The following CUL4B variants were observed in gnomAD, a reference collection of about 807,000 sequenced individuals.
CUL4B encodes the protein cullin-4B.
In CUL4B, 1 loss-of-function variant was observed where a neutral mutation model predicts 69.2. That is an observed-to-expected ratio of 0.01 (90% confidence interval 0.01 to 0.07). The LOEUF (loss-of-function observed/expected upper bound fraction) is 0.07. Among genes scored for constraint, CUL4B ranks in the 10% least tolerant of loss-of-function variants. The pLI is 1.00. For missense variants in CUL4B, 328 were observed against 638.8 expected (o/e 0.51, Z 5.24); for synonymous variants, 237 against 223.2 (o/e 1.06, Z -0.55).
intron 14 of CUL4B, 52 bp downstream of exon 14, chrX:120,538,072 G>A: frequency 1.2e-6 from 1 of 839,296 alleles, no homozygotes; most frequent in Non-Finnish European, 1.8e-6. Context: ...ATAGCAAGCA[G>A]ATAACTAAAT....
intron 2 of CUL4B, among the ~76,000 whole-genome samples, chrX:120,555,941 CAAAAA>C (rs752944156): frequency 2.4e-5 from 1 of 41,953 alleles, no homozygotes; most frequent in African/African-American, 8.0e-5. Flanking sequence ...GACTCCATCT[CAAAAA>C]AAAAAAAAAA....
At chrX:120,566,860 T>C (rs1411783386), downstream of CUL4B, among the ~76,000 whole-genome samples, 1 of 111,198 alleles carries the variant, frequency 9.0e-6, no homozygotes, top group African/African-American at 3.3e-5. Flanking sequence ...AGAGATAGGC[T>C]GTTTTCCCTG....
intron 16 of CUL4B, among the ~76,000 whole-genome samples, chrX:120,535,040 C>G (rs976006307): frequency 2.7e-5 from 3 of 111,590 alleles, no homozygotes; most frequent in African/African-American, 9.8e-5. Context: ...CAAGAAGTGG[C>G]AGTGTTAGAC....
At chrX:120,541,752 T>C in intron 9 of CUL4B, 32 bp from the exon 10 acceptor site, 1 of 893,376 alleles carries the variant, frequency 1.1e-6, no homozygotes, top group Non-Finnish European at 1.6e-6. Context: ...CATTAAAATA[T>C]AGTGAACAAA....
upstream of CUL4B, among the ~76,000 whole-genome samples, chrX:120,561,757 G>T (rs942215782): frequency 9.0e-6 from 1 of 110,645 alleles, no homozygotes; most frequent in Non-Finnish European, 1.9e-5. Flanking sequence ...GGCTAGGGGA[G>T]TAACCCTAAA....
chrX:120,555,191 A>G (rs1296719845), intron 2 of CUL4B, among the ~76,000 whole-genome samples: 1 of 112,526 alleles, frequency 8.9e-6, no homozygotes, highest in African/African-American at 3.2e-5. Flanking sequence ...CTTGAAAGAA[A>G]AAGATTTAAC....
In CUL4B at chrX:120,541,691, T is replaced by C; in HGVS notation, c.1354A>G (p.Ile452Val). The C allele has an allele frequency of 8.3e-7, 1 of 1,202,973 alleles. No homozygotes were observed. Among genetic ancestry groups the C allele is most frequent in the Non-Finnish European group, 1.1e-6 (1 of 887,545 alleles). Residue 452 changes from isoleucine to valine, a missense_variant, in exon 10 of 20, where the codon ATT becomes GTT. Ile to Val is a conservative substitution (Grantham distance 29). Transcript: ENST00000371322. ...TGATACAGAAGAGACAAATCTTGAA[T>C]TCGGTTTTCATCAAGGAGGTTATTT... is the stretch of plus-strand genomic sequence containing the variant. ...GLNNLLDENR[I>V]QDLSLLYQLF...
chrX:120,567,717 G>GAAAA (rs778401536), downstream of CUL4B, among the ~76,000 whole-genome samples: 1 of 81,148 alleles, frequency 1.2e-5, no homozygotes, highest in Non-Finnish European at 2.4e-5. Context: ...TGTCTCTATC[G>GAAAA]AAAAAAAAAA....
intron 1 of CUL4B, chrX:120,574,645 A>T (rs372609218): frequency 3.9e-4 from 441 of 1,132,929 alleles, no homozygotes; most frequent in Non-Finnish European, 5.2e-4. Flanking sequence ...GATAGAAAAC[A>T]GAGAATTCAC....
At chrX:120,561,233 C>T (rs1189054313), upstream of CUL4B, 5 of 500,546 alleles carry the variant, frequency 1.0e-5, no homozygotes, top group Non-Finnish European at 1.8e-5. Context: ...GTGCCCCAGA[C>T]GCTCGCGCTA....
At chrX:120,561,173 G>A, upstream of CUL4B, 2 of 788,038 alleles carry the variant, frequency 2.5e-6, no homozygotes, top group Non-Finnish European at 3.5e-6. Context: ...AGCCGCCCGG[G>A]GGGCGGGGGA....
At chrX:120,545,598 G>A in intron 4 of CUL4B, 81 bp from the exon 5 acceptor site, 1 of 665,786 alleles carries the variant, frequency 1.5e-6, no homozygotes, top group Middle Eastern at 3.9e-4. Context: ...GAATAAAACT[G>A]AAGAGTTTGT....
In CUL4B at chrX:120,560,318, C is replaced by T. The variant is rs1925207663; in HGVS notation, c.321G>A (p.Leu107=). 1 of 1,209,360 alleles carries T rather than the reference C, an allele frequency of 8.3e-7. No homozygotes were observed. The highest frequency in any genetic ancestry group is 1.8e-5 in the African/African-American group (1 of 57,086). The change falls in exon 1 of 20, where the codon CTG becomes CTA. Residue 107 remains leucine, a synonymous_variant. Transcript: ENST00000371322. ...IQKKLRFEDT[L]EFVGFDAKMA... ...TCTTCGCATCAAACCCTACAAACTC[C>T]AGGGTGTCTTCAAAACGCAGCTTCT...
rs1290508817 is a variant in CUL4B, at chrX:120,526,718, A to C, written c.*43T>G. ...ATTGAATCAACAGGTTAGTTTATCC[A>C]CTGGCTACTGCATATGACACCAAAT... is the stretch of plus-strand genomic sequence containing the variant. On this transcript the variant is annotated 3_prime_UTR_variant, in exon 20 of 20. Coordinates refer to ENST00000371322, the MANE Select transcript of CUL4B (RefSeq NM_001079872.2). The C allele has an allele frequency of 3.5e-6, 3 of 864,982 alleles. No individual in the cohort carries two copies. Among genetic ancestry groups the C allele is most frequent in the Non-Finnish European group, 5.1e-6 (3 of 586,556 alleles). The allele number at this position is 864,982 out of a possible 1,213,427, so 71.3% of individuals were successfully genotyped here. A position where few individuals can be genotyped will look rare whatever the true frequency, so the allele number is the denominator to read the frequency against.
chrX:120,561,194 G>T, upstream of CUL4B: 1 of 664,919 alleles, frequency 1.5e-6, no homozygotes, highest in Non-Finnish European at 2.2e-6. Context: ...GCTCGCGCGT[G>T]AGGGGGCGGC....
At chrX:120,573,818 CTTTTCTT>C (rs971974555) in intron 2 of CUL4B, among the ~76,000 whole-genome samples, 3 of 111,608 alleles carry the variant, frequency 2.7e-5, no homozygotes, top group African/African-American at 9.8e-5. Context: ...AATTTCCTTC[CTTTTCTT>C]TTTTCTTTTC....
intron 2 of CUL4B, among the ~76,000 whole-genome samples, chrX:120,556,906 T>C (rs1240176591): frequency 8.9e-4 from 2 of 2,242 alleles, no homozygotes; most frequent in East Asian, 0.044. Flanking sequence ...CTCTGAAGTA[T>C]ATATATATTT....
At chrX:120,531,706 C>T (rs967443232) in intron 18 of CUL4B, among the ~76,000 whole-genome samples, 12 of 111,165 alleles carry the variant, frequency 1.1e-4, no homozygotes, top group Admixed American at 4.8e-4. Context: ...GTGATCTGCC[C>T]GCCTCGGCCT....
chrX:120,557,131 G>A (rs549850118), intron 2 of CUL4B, among the ~76,000 whole-genome samples: 2 of 110,600 alleles, frequency 1.8e-5, no homozygotes, highest in African/African-American at 3.3e-5. Flanking sequence ...GGCTGGTCTC[G>A]AACTCCTGAC....
Sources: allele counts gnomAD v4.1 joint callset (sites outside exome capture counted in the v4.1 genomes callset), GRCh38; gene constraint gnomAD v4.1.1; transcripts MANE v1.5; gene names NCBI Gene and HGNC (gene_info 2026-07-23, HGNC 2026-07-21).